The following ANKFN1 variants were observed in gnomAD, a reference collection of about 807,000 sequenced individuals.
ANKFN1 encodes ankyrin repeat and fibronectin type III domain containing 1, also known as ankyrin repeat and fibronectin type-III domain-containing protein 1.
ANKFN1 carries 74 observed loss-of-function variants against 108.7 expected under a neutral mutation model. The observed-to-expected ratio is 0.68, with a 90% CI of 0.56 to 0.83. The LOEUF (loss-of-function observed/expected upper bound fraction) is 0.83, where lower values mean the gene tolerates loss of function less well. ANKFN1 is among the 40% of genes least tolerant of loss of function. The probability of loss-of-function intolerance (pLI) is 0.00; values close to 1 mark genes in which losing one functional copy is unlikely to be tolerated. For synonymous variants in ANKFN1, 547 were observed against 516.2 expected (o/e 1.06, Z -0.81); for missense variants, 1,505 against 1,382.3 (o/e 1.09, Z -1.41).
At chr17:56,442,717 A>G (rs2049147679) in intron 9 of ANKFN1, 126 bp from the exon 10 acceptor site, 1 of 753,280 alleles carries the variant, frequency 1.3e-6, no homozygotes, top group Non-Finnish European at 2.1e-6. Context: ...ACTCTGTTGC[A>G]TGGGCAACAG....
chr17:56,506,049 T>G (rs994247185), intron 20 of ANKFN1, among the ~76,000 whole-genome samples: 2 of 151,398 alleles, frequency 1.3e-5, no homozygotes, highest in African/African-American at 2.4e-5. Context: ...TATTTGTTTT[T>G]TTTGTTTGTT....
At chr17:56,298,690 G>C (rs7220803) in intron 3 of ANKFN1, among the ~76,000 whole-genome samples, 10 of 121,652 alleles carry the variant, frequency 8.2e-5, no homozygotes, top group African/African-American at 3.5e-4. Flanking sequence ...TATATATATA[G>C]AGAGAGAGAG....
At chr17:56,231,771 A>T (rs888043351) in intron 3 of ANKFN1, among the ~76,000 whole-genome samples, 1 of 152,142 alleles carries the variant, frequency 6.6e-6, no homozygotes, top group African/African-American at 2.4e-5. Context: ...AATTTCACGT[A>T]TTTCGGGAAA....
chr17:56,259,009 TA>T (rs1382379856), intron 3 of ANKFN1, among the ~76,000 whole-genome samples: 1 of 152,186 alleles, frequency 6.6e-6, no homozygotes, highest in Non-Finnish European at 1.5e-5. Context: ...ATTAGAGATA[TA>T]AAGTGTCCAT....
chr17:56,086,762 C>T (rs77635338), intron 4 of ANKFN1, among the ~76,000 whole-genome samples: 4,894 of 151,274 alleles, frequency 0.032, 322 homozygotes, highest in Non-Finnish European at 0.042. Flanking sequence ...TCACAGAGAC[C>T]GGCAGTAGAT....
At chr17:56,197,264 C>T (rs1394425805) in intron 1 of ANKFN1, among the ~76,000 whole-genome samples, 3 of 152,082 alleles carry the variant, frequency 2.0e-5, no homozygotes, top group Non-Finnish European at 2.9e-5. Context: ...ACACACTGTA[C>T]AATATTTTAT....
chr17:56,137,022 C>T (rs1907639035), intron 4 of ANKFN1, among the ~76,000 whole-genome samples: 1 of 152,138 alleles, frequency 6.6e-6, no homozygotes, highest in African/African-American at 2.4e-5. Flanking sequence ...ACCATTTATT[C>T]AAGAAACATC....
intron 8 of ANKFN1, among the ~76,000 whole-genome samples, chr17:56,432,395 A>G (rs543498088): frequency 1.3e-5 from 2 of 152,372 alleles, no homozygotes; most frequent in South Asian, 2.1e-4. Context: ...ATGAAATAAA[A>G]TATTGTAATA....
At position 56,249,608 on chromosome 17, in the gene ANKFN1, G is replaced by A. The variant is rs17819985; in HGVS notation, c.53+21651G>A. On this transcript the variant is annotated intron_variant, in intron 3 of 20. Transcript: ENST00000682825. Reference sequence around the variant, plus strand: ...AATTTAAAAAATAAAATAAAGGTTAGGCAAACTTTCTATGAATAGACAGCT... The same window carrying A: ...AATTTAAAAAATAAAATAAAGGTTAAGCAAACTTTCTATGAATAGACAGCT... 1.2e-3 allele frequency among the ~76,000 whole-genome samples: 180 copies of A among 152,196 alleles called. 4 individuals carry two copies. The East Asian group carries it at 0.032, about 27-fold the overall frequency.
intron 8 of ANKFN1, among the ~76,000 whole-genome samples, chr17:56,436,475 T>C (rs573521682): frequency 6.6e-6 from 1 of 152,296 alleles, no homozygotes; most frequent in East Asian, 1.9e-4. Flanking sequence ...GGTAAGTCTG[T>C]AAACTACCTA....
chr17:56,315,227 T>A (rs1235670911), intron 3 of ANKFN1, among the ~76,000 whole-genome samples: 3 of 152,242 alleles, frequency 2.0e-5, no homozygotes, highest in African/African-American at 7.2e-5. Context: ...GGTGAATATG[T>A]AGCATGATTC....
intron 3 of ANKFN1, among the ~76,000 whole-genome samples, chr17:56,285,995 C>A (rs1239676693): frequency 2.0e-5 from 3 of 152,082 alleles, no homozygotes; most frequent in Non-Finnish European, 2.9e-5. Context: ...TTTAATTATA[C>A]CCCCTTTCAC....
intron 8 of ANKFN1, among the ~76,000 whole-genome samples, chr17:56,385,985 G>A (rs1255748667): frequency 2.6e-5 from 4 of 152,110 alleles, no homozygotes; most frequent in Non-Finnish European, 4.4e-5. Flanking sequence ...ATACCCAAAG[G>A]ACTATAAATC....
chr17:56,123,839 CAGAGAG>C (rs72419531), intron 4 of ANKFN1, among the ~76,000 whole-genome samples: 10 of 142,442 alleles, frequency 7.0e-5, no homozygotes, highest in South Asian at 2.3e-4. Context: ...GAGAGAGACA[CAGAGAG>C]AGAGAGAGAG....
intron 1 of ANKFN1, among the ~76,000 whole-genome samples, chr17:56,186,950 A>G (rs1912269857): frequency 6.6e-6 from 1 of 152,228 alleles, no homozygotes; most frequent in Admixed American, 6.5e-5. Flanking sequence ...TGGATTAAAG[A>G]CCTAAATGTT....
intron 4 of ANKFN1, among the ~76,000 whole-genome samples, chr17:56,068,677 C>T (rs1449438050): frequency 3.9e-5 from 6 of 152,190 alleles, no homozygotes; most frequent in Admixed American, 3.9e-4. Context: ...CTTAGCAGCA[C>T]CGTTTACATT....
intron 19 of ANKFN1, among the ~76,000 whole-genome samples, chr17:56,494,175 T>C (rs1483340559): frequency 1.3e-5 from 2 of 152,170 alleles, no homozygotes; most frequent in African/African-American, 4.8e-5. Context: ...CAGAAAAATC[T>C]TTAGGATTAT....
At chr17:56,236,570 T>C (rs1382555990) in intron 3 of ANKFN1, among the ~76,000 whole-genome samples, 1 of 152,162 alleles carries the variant, frequency 6.6e-6, no homozygotes, top group Non-Finnish European at 1.5e-5. Context: ...AAGTTGTTTA[T>C]TAGCTGAAGG....
chr17:56,485,477 G>T (rs1177258579), intron 18 of ANKFN1, among the ~76,000 whole-genome samples: 1 of 152,162 alleles, frequency 6.6e-6, no homozygotes, highest in Non-Finnish European at 1.5e-5. Context: ...AGAAAGATAG[G>T]AGATGAGGTC....
Sources: allele counts gnomAD v4.1 joint callset (sites outside exome capture counted in the v4.1 genomes callset), GRCh38; gene constraint gnomAD v4.1.1; transcripts MANE v1.5; gene names NCBI Gene and HGNC (gene_info 2026-07-23, HGNC 2026-07-21).